RAB11FIP4: variants seen among roughly 807,000 people sequenced by gnomAD.
RAB11FIP4 encodes the protein RAB11 family interacting protein 4, also known as rab11 family-interacting protein 4.
RAB11FIP4 carries 23 observed loss-of-function variants against 74.3 expected under a neutral mutation model. The ratio of observed to expected loss-of-function variants is 0.31; its 90% CI spans 0.22 to 0.44. RAB11FIP4 has a LOEUF of 0.44. RAB11FIP4 is among the 20% of genes least tolerant of loss of function. The pLI is 1.00. For synonymous variants in RAB11FIP4, 360 were observed against 359.9 expected, an observed-to-expected ratio of 1.00 and a Z score of 0.00; for missense variants, 630 against 863.9, an observed-to-expected ratio of 0.73 and a Z score of 3.39.
Position 31,464,640 on chromosome 17 carries a change from G to A in RAB11FIP4, c.336+30518G>A, listed in dbSNP as rs572209359. On this transcript the variant is annotated intron_variant, in intron 3 of 14. Transcript: ENST00000621161. The stretch of plus-strand genomic sequence containing the variant: ...CTAATTTTGTATTTTTAGTAGAAAC[G>A]AGGTTTCACCATGTTGGTCAGGCTG... Among the ~76,000 whole-genome samples the A allele has an allele frequency of 2.0e-5, 3 of 151,686 alleles. No homozygotes were observed. In the East Asian group the frequency reaches 5.8e-4, roughly 29 times the overall value.
intron 3 of RAB11FIP4, among the ~76,000 whole-genome samples, chr17:31,509,892 C>T (rs867079892): frequency 6.6e-6 from 1 of 152,104 alleles, no homozygotes; most frequent in Non-Finnish European, 1.5e-5. Flanking sequence ...ATGCTTGAAC[C>T]CCCTTTATCC....
intron 3 of RAB11FIP4, among the ~76,000 whole-genome samples, chr17:31,517,140 C>T (rs1242442671): frequency 7.0e-6 from 1 of 141,878 alleles, no homozygotes; most frequent in Non-Finnish European, 1.5e-5. Context: ...CAGAGATACT[C>T]TCAGTTTTTC....
In RAB11FIP4 at chr17:31,470,087, T is replaced by C. The variant is rs1196804756; in HGVS notation, c.336+35965T>C. On this transcript the variant is annotated intron_variant, in intron 3 of 14. Coordinates refer to ENST00000621161, the MANE Select transcript of RAB11FIP4 (RefSeq NM_032932.6). ...CCTTCTCAGAGGCCACACAGTCTAA[T>C]CTCCTCCCCTCTCACTGTGGGAACA... is the stretch of plus-strand genomic sequence containing the variant. Among the ~76,000 whole-genome samples the C allele has an allele frequency of 2.0e-5, 3 of 152,166 alleles. No individual in the cohort carries two copies. The East Asian group carries it at 5.8e-4, about 29-fold the overall frequency.
intron 3 of RAB11FIP4, among the ~76,000 whole-genome samples, chr17:31,438,002 G>A (rs950258008): frequency 6.6e-6 from 1 of 152,160 alleles, no homozygotes; most frequent in African/African-American, 2.4e-5. Flanking sequence ...CCCAACTGTT[G>A]AGCAGGCTGT....
intron 1 of RAB11FIP4, among the ~76,000 whole-genome samples, chr17:31,415,028 G>A (rs1431896903): frequency 6.6e-6 from 1 of 152,236 alleles, no homozygotes; most frequent in Non-Finnish European, 1.5e-5. Flanking sequence ...AGGGGAAGCA[G>A]GGAGGGGACA....
intron 3 of RAB11FIP4, among the ~76,000 whole-genome samples, chr17:31,490,783 C>T (rs2071992762): frequency 6.6e-6 from 1 of 152,320 alleles, no homozygotes; most frequent in South Asian, 2.1e-4. Context: ...TCTTAAACTC[C>T]TGGGCTCAAG....
chr17:31,537,130 C>T lies in RAB11FIP4; in HGVS notation c.*5398C>T, dbSNP rs953557465. 1 of 399,590 alleles carries T rather than the reference C, an allele frequency of 2.5e-6. No homozygotes were observed. Among genetic ancestry groups the T allele is most frequent in the Non-Finnish European group, 4.4e-6 (1 of 226,336 alleles). 24.8% of individuals were successfully genotyped at this position (399,590 alleles called of 1,614,324 possible). On this transcript the variant is annotated 3_prime_UTR_variant, in exon 15 of 15. Coordinates refer to ENST00000621161, the MANE Select transcript of RAB11FIP4 (RefSeq NM_032932.6). ...CATCTGCATGGTTTGGGGTCTTTGT[C>T]CTTGTGCCTTTTCTTCCCCATCGCC... is the stretch of plus-strand genomic sequence containing the variant.
chr17:31,447,095 T>C (rs147981074), intron 3 of RAB11FIP4, among the ~76,000 whole-genome samples: 3,326 of 152,224 alleles, frequency 0.022, 117 homozygotes, highest in African/African-American at 0.075. Flanking sequence ...CCATCCTGGC[T>C]AACACGGTGA....
At chr17:31,507,754 A>G (rs757046) in intron 3 of RAB11FIP4, among the ~76,000 whole-genome samples, 97,464 of 152,040 alleles carry the variant, frequency 0.64, 31,346 homozygotes, top group East Asian at 0.69. Flanking sequence ...CAGCCTCCCA[A>G]ATAGTTGGGG....
intron 3 of RAB11FIP4, among the ~76,000 whole-genome samples, chr17:31,509,920 G>A (rs558626318): frequency 9.8e-4 from 149 of 152,250 alleles, no homozygotes; most frequent in African/African-American, 3.2e-3. Flanking sequence ...GCCTTGGCTG[G>A]TGCCTGGGCA....
chr17:31,461,897 A>C (rs1305730590), intron 3 of RAB11FIP4, among the ~76,000 whole-genome samples: 1 of 152,184 alleles, frequency 6.6e-6, no homozygotes, highest in Admixed American at 6.5e-5. Flanking sequence ...TGCTCATTAA[A>C]GTTTGAGACA....
chr17:31,426,504 C>A (rs1225713346), intron 1 of RAB11FIP4, among the ~76,000 whole-genome samples: 1 of 136,982 alleles, frequency 7.3e-6, no homozygotes, highest in Non-Finnish European at 1.5e-5. Flanking sequence ...TTTTAAAAAT[C>A]ACTGAGCCTG....
chr17:31,453,803 A>G (rs1488983850), intron 3 of RAB11FIP4, among the ~76,000 whole-genome samples: 2 of 151,562 alleles, frequency 1.3e-5, no homozygotes, highest in East Asian at 3.9e-4. Context: ...AAAAAAAAAA[A>G]AAAAAAAAAA....
At chr17:31,494,667 A>T (rs2072079851) in intron 3 of RAB11FIP4, among the ~76,000 whole-genome samples, 1 of 151,916 alleles carries the variant, frequency 6.6e-6, no homozygotes, top group Non-Finnish European at 1.5e-5. Flanking sequence ...AGTAGAAATG[A>T]GGTGTTACTA....
chr17:31,490,269 T>C (rs927720556), intron 3 of RAB11FIP4, among the ~76,000 whole-genome samples: 1 of 152,176 alleles, frequency 6.6e-6, no homozygotes, highest in African/African-American at 2.4e-5. Flanking sequence ...GCCGTTCACC[T>C]GGGGCCCTTG....
chr17:31,458,367 A>T (rs2071600769), intron 3 of RAB11FIP4, among the ~76,000 whole-genome samples: 1 of 152,156 alleles, frequency 6.6e-6, no homozygotes, highest in African/African-American at 2.4e-5. Flanking sequence ...CAGAGGCATG[A>T]AGCAAAGTAT....
chr17:31,415,085 G>A (rs1466343835), intron 1 of RAB11FIP4, among the ~76,000 whole-genome samples: 1 of 152,212 alleles, frequency 6.6e-6, no homozygotes, highest in East Asian at 1.9e-4. Flanking sequence ...CTCTCCCAGA[G>A]CCCCCTGCAG....
chr17:31,472,593 C>T (rs552367898), intron 3 of RAB11FIP4, among the ~76,000 whole-genome samples: 12 of 152,252 alleles, frequency 7.9e-5, no homozygotes, highest in East Asian at 1.9e-4. Context: ...ACCATGAACA[C>T]GGAAATAAGT....
intron 1 of RAB11FIP4, 34 bp downstream of exon 1, chr17:31,392,045 AC>A (rs2070877005): frequency 2.4e-6 from 3 of 1,232,788 alleles, no homozygotes; most frequent in Non-Finnish European, 2.0e-6. Flanking sequence ...CGGCCCGGGG[AC>A]CCCAGCCCAG....
Sources: allele counts gnomAD v4.1 joint callset (sites outside exome capture counted in the v4.1 genomes callset), GRCh38; gene constraint gnomAD v4.1.1; transcripts MANE v1.5; gene names NCBI Gene and HGNC (gene_info 2026-07-23, HGNC 2026-07-21).